Variants in DGKB observed in about 807,000 individuals in gnomAD.
The protein encoded by DGKB is 90 kDa diacylglycerol kinase.
Under a neutral mutation model 114.3 loss-of-function variants are expected in DGKB, and 67 were observed. That is an observed-to-expected ratio of 0.59 (90% CI 0.48 to 0.72). The LOEUF (loss-of-function observed/expected upper bound fraction) is 0.72, where lower values mean the gene tolerates loss of function less well. Among genes scored for constraint, DGKB ranks in the 30% least tolerant of loss-of-function variants. The pLI is 0.00. For missense variants in DGKB, 907 were observed against 975.2 expected, an observed-to-expected ratio of 0.93 and a Z score of 0.93; for synonymous variants, 398 against 323.1, an observed-to-expected ratio of 1.23 and a Z score of -2.49.
chr7:14,948,201 C>G (rs1034615327), intron 1 of DGKB, among the ~76,000 whole-genome samples: 4 of 151,748 alleles, frequency 2.6e-5, no homozygotes, highest in Admixed American at 6.6e-5. Flanking sequence ...ATTTCTTTTC[C>G]TAATCTGTAC....
intron 2 of DGKB, among the ~76,000 whole-genome samples, chr7:14,769,228 G>GAGAGAGAAAGAAAGAAAGAA: frequency 8.4e-6 from 1 of 119,688 alleles, no homozygotes; most frequent in East Asian, 2.6e-4. Flanking sequence ...GAAAGAGAGA[G>GAGAGAGAAAGAAAGAAAGAA]AGAAAGAAAG....
At chr7:14,275,397 C>A (rs745326733) in intron 23 of DGKB, among the ~76,000 whole-genome samples, 1 of 152,148 alleles carries the variant, frequency 6.6e-6, no homozygotes. Context: ...AACACAAAGT[C>A]CTTGGTCACA....
intron 21 of DGKB, among the ~76,000 whole-genome samples, chr7:14,477,464 A>G (rs1055013717): frequency 1.3e-5 from 2 of 152,166 alleles, no homozygotes; most frequent in Non-Finnish European, 2.9e-5. Flanking sequence ...ATTGAAGCAA[A>G]AGATAATTCA....
chr7:14,512,381 C>G (rs1563365648), intron 20 of DGKB, among the ~76,000 whole-genome samples: 1 of 152,100 alleles, frequency 6.6e-6, no homozygotes. Flanking sequence ...CAATGACTAT[C>G]CAAAGAGTAG....
intron 4 of DGKB, among the ~76,000 whole-genome samples, chr7:14,753,503 GACAAAACAAA>G (rs367616456): frequency 3.1e-5 from 4 of 130,826 alleles, no homozygotes; most frequent in East Asian, 2.3e-4. Context: ...CAGCACTGTA[GACAAAACAAA>G]ACAAAACAAA....
At chr7:14,684,394 T>C (rs1321818581) in intron 10 of DGKB, among the ~76,000 whole-genome samples, 1 of 152,164 alleles carries the variant, frequency 6.6e-6, no homozygotes, top group Non-Finnish European at 1.5e-5. Flanking sequence ...TCAGTAATTC[T>C]GTACAAGCTG....
chr7:14,735,913 T>C (rs1831639640), intron 5 of DGKB, 128 bp downstream of exon 5: 3 of 495,070 alleles, frequency 6.1e-6, no homozygotes, highest in South Asian at 1.3e-4. Flanking sequence ...CACAATCTTA[T>C]TGTAAAAGTC....
chr7:14,884,162 A>T (rs1854659193), intron 1 of DGKB, among the ~76,000 whole-genome samples: 1 of 152,006 alleles, frequency 6.6e-6, no homozygotes, highest in African/African-American at 2.4e-5. Flanking sequence ...AGCAGCCCTA[A>T]AAATATGCAA....
intron 23 of DGKB, among the ~76,000 whole-genome samples, chr7:14,205,805 T>G (rs957879214): frequency 5.9e-5 from 9 of 151,970 alleles, no homozygotes; most frequent in Non-Finnish European, 1.2e-4. Context: ...ACGGCCAGAA[T>G]GAGGGAATGA....
intron 20 of DGKB, among the ~76,000 whole-genome samples, chr7:14,489,798 G>A (rs1038690421): frequency 6.6e-6 from 1 of 151,968 alleles, no homozygotes; most frequent in African/African-American, 2.4e-5. Context: ...AAGGAGGAGG[G>A]GAAATGAGAT....
At chr7:14,696,967 AT>A (rs1464529553) in intron 8 of DGKB, among the ~76,000 whole-genome samples, 1 of 152,182 alleles carries the variant, frequency 6.6e-6, no homozygotes, top group Non-Finnish European at 1.5e-5. Context: ...CACTTCTTGA[AT>A]TTGCATAAAA....
chr7:14,950,291 T>A (rs1786115524), intron 1 of DGKB, among the ~76,000 whole-genome samples: 1 of 151,840 alleles, frequency 6.6e-6, no homozygotes, highest in Non-Finnish European at 1.5e-5. Flanking sequence ...TGTAAACTCC[T>A]ACGTTAAAAA....
chr7:14,928,213 T>C (rs147016444), intron 1 of DGKB, among the ~76,000 whole-genome samples: 1 of 152,120 alleles, frequency 6.6e-6, no homozygotes, highest in African/African-American at 2.4e-5. Flanking sequence ...CTTGTAGAGC[T>C]TGCATCCTAG....
At chr7:14,272,954 A>C (rs1208600981) in intron 23 of DGKB, among the ~76,000 whole-genome samples, 1 of 152,218 alleles carries the variant, frequency 6.6e-6, no homozygotes, top group Non-Finnish European at 1.5e-5. Flanking sequence ...GTTGAGTGAA[A>C]GGATGCACCT....
chr7:14,702,382 G>T (rs1825349934), intron 6 of DGKB, among the ~76,000 whole-genome samples: 1 of 152,154 alleles, frequency 6.6e-6, no homozygotes, highest in Non-Finnish European at 1.5e-5. Context: ...CAGAAAAACT[G>T]CATTATGATC....
chr7:14,945,708 A>G (rs73287093), intron 1 of DGKB, among the ~76,000 whole-genome samples: 6,574 of 151,614 alleles, frequency 0.043, 446 homozygotes, highest in African/African-American at 0.14. Context: ...TAATAGAAAT[A>G]TAACTTTTTA....
intron 23 of DGKB, among the ~76,000 whole-genome samples, chr7:14,219,168 C>T (rs1407269461): frequency 2.6e-5 from 4 of 151,752 alleles, no homozygotes; most frequent in Admixed American, 6.6e-5. Flanking sequence ...ATCCATTCAT[C>T]CCCTGATTGG....
Position 14,836,326 on chromosome 7 carries a change from TGAAAGTTTGGAAAG to T in DGKB, c.70+4854_70+4867del, listed in dbSNP as rs1465684656. Among the ~76,000 whole-genome samples the T allele has an allele frequency of 2.0e-5, 3 of 152,330 alleles. No homozygotes were observed. In the East Asian group the frequency reaches 5.8e-4, roughly 29 times the overall value. Reference sequence around the variant, plus strand: ...GCTGCTATAAACTGTATGAAATTTATGAAAGTTTGGAAAGGTTCCCACCATAATAACATAGTATT... The same window carrying T: ...GCTGCTATAAACTGTATGAAATTTATGTTCCCACCATAATAACATAGTATT... On this transcript the variant is annotated intron_variant, in intron 2 of 25. Transcript: ENST00000402815.
chr7:14,508,293 T>C (rs1373058186), intron 20 of DGKB, among the ~76,000 whole-genome samples: 2 of 152,128 alleles, frequency 1.3e-5, no homozygotes, highest in Non-Finnish European at 2.9e-5. Flanking sequence ...ATCAAAAAAA[T>C]TTATTGTGTT....
Sources: allele counts gnomAD v4.1 joint callset (sites outside exome capture counted in the v4.1 genomes callset), GRCh38; gene constraint gnomAD v4.1.1; transcripts MANE v1.5; gene names NCBI Gene and HGNC (gene_info 2026-07-23, HGNC 2026-07-21).